MECOM: variants seen among roughly 807,000 people sequenced by gnomAD.
MECOM encodes the protein histone-lysine N-methyltransferase MECOM.
Under a neutral mutation model 116.3 loss-of-function variants are expected in MECOM, and 13 were observed. The ratio of observed to expected loss-of-function variants is 0.11; its 90% CI spans 0.07 to 0.18. The LOEUF is 0.18. Among genes scored for constraint, MECOM ranks in the 10% least tolerant of loss-of-function variants. The pLI, the probability that MECOM is intolerant of heterozygous loss-of-function variation, is 1.00. For synonymous variants in MECOM, 528 were observed against 535.2 expected (o/e 0.99, Z 0.19); for missense variants, 1,299 against 1,509.0 (o/e 0.86, Z 2.31).
intron 2 of MECOM, among the ~76,000 whole-genome samples, chr3:169,253,385 T>A (rs1160299029): frequency 7.9e-6 from 1 of 126,314 alleles, no homozygotes; most frequent in Non-Finnish European, 1.6e-5. Context: ...CCACTGCTGT[T>A]TAGTTCTTTT....
intron 1 of MECOM, among the ~76,000 whole-genome samples, chr3:169,561,226 T>C (rs949371689): frequency 6.6e-6 from 1 of 152,080 alleles, no homozygotes; most frequent in Non-Finnish European, 1.5e-5. Context: ...TAAAAATTTG[T>C]ACAATCACTT....
intron 2 of MECOM, among the ~76,000 whole-genome samples, chr3:169,218,147 C>A (rs1156837758): frequency 6.6e-6 from 1 of 151,850 alleles, no homozygotes; most frequent in African/African-American, 2.4e-5. Context: ...GAAGAGACAT[C>A]TTACTGTGTG....
At chr3:169,210,022 C>T (rs1321349133) in intron 2 of MECOM, among the ~76,000 whole-genome samples, 3 of 152,034 alleles carry the variant, frequency 2.0e-5, no homozygotes, top group Non-Finnish European at 4.4e-5. Flanking sequence ...GCTATGCAGC[C>T]ATAAAAAGGA....
At chr3:169,610,480 G>A (rs917186267) in intron 1 of MECOM, among the ~76,000 whole-genome samples, 4 of 149,466 alleles carry the variant, frequency 2.7e-5, no homozygotes, top group African/African-American at 1.0e-4. Context: ...TATGGTAAAT[G>A]ATATATATGT....
At chr3:169,382,849 C>CAAAAAAAAA (rs1157852145) in intron 1 of MECOM, among the ~76,000 whole-genome samples, 11 of 47,144 alleles carry the variant, frequency 2.3e-4, no homozygotes, top group African/African-American at 8.0e-4. Flanking sequence ...AAGCCCATCT[C>CAAAAAAAAA]AAAAAAAAAA....
intron 2 of MECOM, among the ~76,000 whole-genome samples, chr3:169,267,202 G>T (rs1479358228): frequency 6.6e-6 from 1 of 152,204 alleles, no homozygotes; most frequent in Non-Finnish European, 1.5e-5. Flanking sequence ...AGAACATCAT[G>T]GGGCTGCCAT....
chr3:169,511,549 G>A (rs1346032989), intron 1 of MECOM, among the ~76,000 whole-genome samples: 1 of 152,142 alleles, frequency 6.6e-6, no homozygotes, highest in Non-Finnish European at 1.5e-5. Flanking sequence ...ATCACTTGAG[G>A]CCGGGAGTTC....
intron 1 of MECOM, among the ~76,000 whole-genome samples, chr3:169,435,542 T>C (rs1403456977): frequency 6.6e-6 from 1 of 152,162 alleles, no homozygotes; most frequent in East Asian, 1.9e-4. Context: ...CAAAATAACC[T>C]ACCTTAGGAG....
At position 169,583,702 on chromosome 3, in the gene MECOM, G is replaced by A. The variant is rs916753221; in HGVS notation, c.37+79634C>T. ...AGAGTCTCACTGTGTCACCCAGATT[G>A]GATGCAAACAGAACTCACTACAGCC... On this transcript the variant is annotated intron_variant, in intron 1 of 16. Coordinates refer to ENST00000651503, the MANE Select transcript of MECOM (RefSeq NM_004991.4). Among the ~76,000 whole-genome samples, 7 of 151,660 alleles carry A rather than the reference G, an allele frequency of 4.6e-5. No homozygotes were observed. The East Asian group carries it at 1.4e-3, about 29-fold the overall frequency.
chr3:169,575,209 A>C (rs1273067478), intron 1 of MECOM, among the ~76,000 whole-genome samples: 1 of 152,196 alleles, frequency 6.6e-6, no homozygotes, highest in Non-Finnish European at 1.5e-5. Flanking sequence ...GCCCATAAGA[A>C]AGCTTCGCCT....
In MECOM at chr3:169,381,055, G is replaced by C. The variant is rs908338674; in HGVS notation, c.375+132C>G. On this transcript the variant is annotated intron_variant, in intron 2 of 16. Transcript: ENST00000651503. ...TGTATTAAGAAGTGAGATTGTAAAG[G>C]AAGTTTATTCTTAAAAACCTGTTGA... 3 of 793,488 alleles carry C rather than the reference G, an allele frequency of 3.8e-6. No homozygotes were observed. In the Admixed American group the frequency reaches 8.9e-5, roughly 24 times the overall value. 49.2% of individuals were successfully genotyped at this position (793,488 alleles called of 1,614,324 possible). A position where few individuals can be genotyped will look rare whatever the true frequency, so the allele number is the denominator to read the frequency against.
At chr3:169,637,274 A>G (rs1038769278) in intron 1 of MECOM, among the ~76,000 whole-genome samples, 8 of 152,188 alleles carry the variant, frequency 5.3e-5, no homozygotes, top group Non-Finnish European at 1.2e-4. Context: ...ACATTTGACC[A>G]CAGCCACATG....
chr3:169,443,032 T>C, intron 1 of MECOM, among the ~76,000 whole-genome samples: 1 of 152,108 alleles, frequency 6.6e-6, no homozygotes, highest in East Asian at 1.9e-4. Context: ...AGAGGAGTTA[T>C]TCCACCACAG....
rs576896560 is a variant in MECOM at position 169,542,136 on chromosome 3, G to T, written c.37+121200C>A. On this transcript the variant is annotated intron_variant, in intron 1 of 16. Transcript: ENST00000651503. ...TCTGAAATCTTACATTGATTGAGCT[G>T]TGCTGGACCTAAAACGCATTGAAAG... is the stretch of plus-strand genomic sequence containing the variant. Among the ~76,000 whole-genome samples, 5 of 152,280 alleles carry T rather than the reference G, an allele frequency of 3.3e-5. No homozygotes were observed. In the South Asian group the frequency reaches 1.0e-3, roughly 32 times the overall value.
At chr3:169,101,153 C>T (rs1723429778) in intron 11 of MECOM, among the ~76,000 whole-genome samples, 191 bp from the exon 12 acceptor site, 1 of 152,140 alleles carries the variant, frequency 6.6e-6, no homozygotes, top group African/African-American at 2.4e-5. Flanking sequence ...ATAAAGACTG[C>T]ATTCTAAGAT....
intron 10 of MECOM, among the ~76,000 whole-genome samples, chr3:169,103,192 T>C (rs1724184145): frequency 1.3e-5 from 2 of 151,672 alleles, no homozygotes; most frequent in African/African-American, 4.8e-5. Flanking sequence ...CTTGAACTCC[T>C]GGTCTCAAGC....
At chr3:169,617,197 T>A (rs780198211) in intron 1 of MECOM, among the ~76,000 whole-genome samples, 1 of 152,154 alleles carries the variant, frequency 6.6e-6, no homozygotes, top group South Asian at 2.1e-4. Context: ...TAAAGAAAAT[T>A]AAAAGACCCC....
At chr3:169,435,119 T>C (rs1742427374) in intron 1 of MECOM, among the ~76,000 whole-genome samples, 1 of 152,208 alleles carries the variant, frequency 6.6e-6, no homozygotes, top group South Asian at 2.1e-4. Context: ...CATTATTTCA[T>C]CTCTTATGGA....
chr3:169,100,949 T>C lies in MECOM; in HGVS notation c.2785A>G (p.Ile929Val). Reference protein sequence around the residue: ...ERYTCRYCGKIFPRSANLTRH... With the variant: ...ERYTCRYCGKVFPRSANLTRH... ...GTTAGGTTTGCAGACCTTGGAAAAA[T>C]CTTGCCACAGTATCTGTTATGAAAA... The change falls in exon 12 of 17, where the codon ATT (isoleucine) becomes GTT (valine). Residue 929 changes from isoleucine to valine, a missense_variant. Coordinates refer to ENST00000651503, the MANE Select transcript of MECOM (RefSeq NM_004991.4). 6.2e-7 allele frequency: 1 copy of C among 1,608,174 alleles called. No homozygotes were observed. The highest frequency in any genetic ancestry group is 1.3e-5 in the African/African-American group (1 of 74,904).
Sources: allele counts gnomAD v4.1 joint callset (sites outside exome capture counted in the v4.1 genomes callset), GRCh38; gene constraint gnomAD v4.1.1; transcripts MANE v1.5; gene names NCBI Gene and HGNC (gene_info 2026-07-23, HGNC 2026-07-21).